The following SH3BGRL2 variants were observed in gnomAD, a reference collection of about 807,000 sequenced individuals.
SH3BGRL2 encodes SH3 domain-binding glutamic acid-rich-like protein 2.
In SH3BGRL2, 21 loss-of-function variants were observed where a neutral mutation model predicts 14.8. The observed-to-expected ratio is 1.42, with a 90% CI of 1.01 to 2.05. The LOEUF (loss-of-function observed/expected upper bound fraction) is 2.05, where lower values mean the gene tolerates loss of function less well. SH3BGRL2 is among the 30% of genes most tolerant of loss of function. The pLI, the probability that SH3BGRL2 is intolerant of heterozygous loss-of-function variation, is 0.00. For missense variants in SH3BGRL2, 147 were observed against 130.8 expected (o/e 1.12, Z -0.61); for synonymous variants, 50 against 47.8 (o/e 1.05, Z -0.19).
the SH3BGRL2 span, among the ~76,000 whole-genome samples, chr6:79,581,725 G>A: frequency 2.0e-5 from 3 of 152,082 alleles, no homozygotes; most frequent in East Asian, 1.9e-4. Context: ...TTTGAAAACC[G>A]GCACAAAACA....
intron 2 of SH3BGRL2, among the ~76,000 whole-genome samples, chr6:79,683,163 G>A (rs577014039): frequency 8.6e-5 from 13 of 152,042 alleles, no homozygotes; most frequent in African/African-American, 1.2e-4. Context: ...AAACCTGCAC[G>A]TTGTGCACAT....
intron 1 of SH3BGRL2, among the ~76,000 whole-genome samples, chr6:79,649,985 T>TCTCTCTCTCTCACACACA (rs765159303): frequency 1.2e-4 from 17 of 141,978 alleles, no homozygotes; most frequent in Admixed American, 3.6e-4. Flanking sequence ...TCTCTCTCTC[T>TCTCTCTCTCTCACACACA]CACACACACA....
At chr6:79,642,032 A>G (rs757084768) in intron 1 of SH3BGRL2, among the ~76,000 whole-genome samples, 15 of 152,108 alleles carry the variant, frequency 9.9e-5, no homozygotes, top group Non-Finnish European at 1.5e-4. Flanking sequence ...TTCAGATCAT[A>G]TTTTCACTCC....
the SH3BGRL2 span, among the ~76,000 whole-genome samples, chr6:79,568,079 T>G: frequency 4.6e-5 from 7 of 152,126 alleles, no homozygotes; most frequent in Non-Finnish European, 1.0e-4. Context: ...AGCTTGCTTG[T>G]GAAGGTTAGG....
the SH3BGRL2 span, chr6:79,552,689 T>G: frequency 6.6e-6 from 1 of 152,138 alleles, no homozygotes; most frequent in African/African-American, 2.4e-5. Context: ...TATTTTTAGT[T>G]TACAGATCCC....
At chr6:79,638,691 G>A (rs535876995) in intron 1 of SH3BGRL2, among the ~76,000 whole-genome samples, 66 of 152,192 alleles carry the variant, frequency 4.3e-4, no homozygotes, top group African/African-American at 1.6e-3. Context: ...TTTTCCTGAT[G>A]ATTACTGATG....
chr6:79,578,024 C>T, the SH3BGRL2 span, among the ~76,000 whole-genome samples: 3 of 152,232 alleles, frequency 2.0e-5, no homozygotes, highest in Admixed American at 2.0e-4. Context: ...ACTGCTAGCG[C>T]AGCAGTCTGA....
the SH3BGRL2 span, among the ~76,000 whole-genome samples, chr6:79,537,786 T>G: frequency 6.6e-6 from 1 of 152,128 alleles, no homozygotes; most frequent in Non-Finnish European, 1.5e-5. Context: ...TAGATTTCCT[T>G]TGGGAAATAA....
Position 79,701,254 on chromosome 6 carries a change from A to T in SH3BGRL2, c.*1745A>T, listed in dbSNP as rs929865556. 1 of 151,808 alleles carries T rather than the reference A, an allele frequency of 6.6e-6. No homozygotes were observed. Among genetic ancestry groups the T allele is most frequent in the African/African-American group, 2.4e-5 (1 of 41,336 alleles). 9.4% of individuals were successfully genotyped at this position (151,808 alleles called of 1,614,324 possible). On this transcript the variant is annotated 3_prime_UTR_variant, in exon 4 of 4. Transcript: ENST00000369838. ...GACAAATCCCAGGGACTATCCAGGA[A>T]TTTTTTTTTAACTGGATATTGTGTT...
At chr6:79,577,341 T>A in the SH3BGRL2 span, among the ~76,000 whole-genome samples, 1 of 152,262 alleles carries the variant, frequency 6.6e-6, no homozygotes, top group East Asian at 1.9e-4. Flanking sequence ...TTCCTCCACT[T>A]CCCTTTCTTG....
rs1480082784 is a variant in SH3BGRL2 at position 79,701,760 on chromosome 6, A to G, written c.*2251A>G. On this transcript the variant is annotated 3_prime_UTR_variant, in exon 4 of 4. Coordinates refer to ENST00000369838, the MANE Select transcript of SH3BGRL2 (RefSeq NM_031469.4). Reference sequence around the variant, plus strand: ...GATGTTGCCCTCTGGGACCACACTTAGCTCAGAGAATATGGGGTCCTTACT... The same window carrying G: ...GATGTTGCCCTCTGGGACCACACTTGGCTCAGAGAATATGGGGTCCTTACT... The G allele has an allele frequency of 6.6e-6, 1 of 152,132 alleles. No homozygotes were observed. The highest frequency in any genetic ancestry group is 1.5e-5 in the Non-Finnish European group (1 of 68,014). 9.4% of individuals were successfully genotyped at this position (152,132 alleles called of 1,614,324 possible).
At chr6:79,581,125 T>G in the SH3BGRL2 span, among the ~76,000 whole-genome samples, 2 of 151,984 alleles carry the variant, frequency 1.3e-5, no homozygotes, top group South Asian at 2.1e-4. Context: ...AATAACAGGC[T>G]CTGAAATTGA....
chr6:79,683,416 A>G (rs1770029642), intron 2 of SH3BGRL2, among the ~76,000 whole-genome samples: 2 of 151,276 alleles, frequency 1.3e-5, no homozygotes, highest in South Asian at 2.1e-4. Context: ...GGTTTTTATT[A>G]GTTGTTTTTA....
At chr6:79,619,450 G>A in the SH3BGRL2 span, among the ~76,000 whole-genome samples, 2 of 152,086 alleles carry the variant, frequency 1.3e-5, no homozygotes, top group African/African-American at 2.4e-5. Context: ...TGTTGTTGTT[G>A]CTATTTAGTC....
chr6:79,672,149 C>T (rs945535128), intron 1 of SH3BGRL2, among the ~76,000 whole-genome samples: 1 of 152,146 alleles, frequency 6.6e-6, no homozygotes, highest in Non-Finnish European at 1.5e-5. Context: ...GTGTGTACTG[C>T]CACCCTCCAA....
At chr6:79,635,128 G>A (rs1417939997) in intron 1 of SH3BGRL2, among the ~76,000 whole-genome samples, 2 of 152,198 alleles carry the variant, frequency 1.3e-5, no homozygotes, top group African/African-American at 4.8e-5. Flanking sequence ...TGGCAGTGGG[G>A]GAGCCCTAGT....
At chr6:79,682,017 C>A (rs201872832) in intron 2 of SH3BGRL2, among the ~76,000 whole-genome samples, 1 of 120,086 alleles carries the variant, frequency 8.3e-6, no homozygotes, top group Non-Finnish European at 1.7e-5. Context: ...ACACACACTA[C>A]ACACACACAC....
At chr6:79,620,561 CT>C in the SH3BGRL2 span, among the ~76,000 whole-genome samples, 1 of 151,640 alleles carries the variant, frequency 6.6e-6, no homozygotes, top group Non-Finnish European at 1.5e-5. Flanking sequence ...GGTTGGCATC[CT>C]TTTTAACCTT....
At chr6:79,579,483 G>A in the SH3BGRL2 span, among the ~76,000 whole-genome samples, 7 of 152,034 alleles carry the variant, frequency 4.6e-5, 1 homozygote, top group African/African-American at 1.7e-4. Context: ...GAAGAGAGTG[G>A]GGGCCAATAT....
Sources: gnomAD v4.1 joint callset for allele counts (sites outside exome capture counted in the v4.1 genomes callset) on GRCh38, gnomAD v4.1.1 for gene constraint, MANE v1.5 for transcripts, NCBI Gene and HGNC (gene_info 2026-07-23, HGNC 2026-07-21) for gene names.